SLCO1B1: variants seen among roughly 807,000 people sequenced by gnomAD.
SLCO1B1 encodes the protein solute carrier organic anion transporter family member 1B1.
A neutral mutation model predicts 70.1 loss-of-function variants in SLCO1B1; 81 were observed. That is an observed-to-expected ratio of 1.16 (90% CI 0.97 to 1.39). The LOEUF is 1.39. Ranked by LOEUF, SLCO1B1 falls within the 40% of genes most tolerant of loss-of-function variation. The probability of loss-of-function intolerance (pLI) is 0.00; values close to 1 mark genes in which losing one functional copy is unlikely to be tolerated. For synonymous variants in SLCO1B1, 283 were observed against 271.5 expected, an observed-to-expected ratio of 1.04 and a Z score of -0.42; for missense variants, 895 against 799.6, an observed-to-expected ratio of 1.12 and a Z score of -1.44.
At chr12:21,161,486 A>G (rs772692982) in intron 2 of SLCO1B1, among the ~76,000 whole-genome samples, 13 of 152,156 alleles carry the variant, frequency 8.5e-5, no homozygotes, top group Non-Finnish European at 1.9e-4. Flanking sequence ...AAAAAAGGGA[A>G]TGACAAACAC....
intron 7 of SLCO1B1, among the ~76,000 whole-genome samples, chr12:21,179,613 G>A (rs1430313384): frequency 6.6e-6 from 1 of 152,144 alleles, no homozygotes; most frequent in South Asian, 2.1e-4. Flanking sequence ...AGATGAAAGA[G>A]ATGCCATGTT....
intron 2 of SLCO1B1, among the ~76,000 whole-genome samples, chr12:21,150,727 C>T (rs375498214): frequency 3.9e-5 from 6 of 152,118 alleles, no homozygotes; most frequent in African/African-American, 1.2e-4. Context: ...GATAAATCCA[C>T]GAAGATGAGG....
chr12:21,224,641 A>G, intron 13 of SLCO1B1, 81 bp from the exon 14 acceptor site: 1 of 890,546 alleles, frequency 1.1e-6, no homozygotes, highest in Non-Finnish European at 1.9e-6. Context: ...TTATTTAATC[A>G]AAATATATCA....
At chr12:21,230,323 CTTTT>C (rs745494878) in intron 14 of SLCO1B1, among the ~76,000 whole-genome samples, 2 of 70,256 alleles carry the variant, frequency 2.8e-5, no homozygotes, top group African/African-American at 5.3e-5. Context: ...CTGTAGTATT[CTTTT>C]TTTTTTTTTT....
intron 10 of SLCO1B1, 75 bp downstream of exon 10, chr12:21,202,761 G>A: frequency 1.7e-6 from 2 of 1,170,936 alleles, no homozygotes; most frequent in East Asian, 2.4e-5. Flanking sequence ...AGTAATATAA[G>A]GCAGAAAACA....
At chr12:21,168,204 G>C (rs902791007) in intron 2 of SLCO1B1, among the ~76,000 whole-genome samples, 1 of 130,470 alleles carries the variant, frequency 7.7e-6, no homozygotes, top group African/African-American at 2.5e-5. Context: ...ATGTCCTTGA[G>C]GTTCATCCAT....
chr12:21,185,323 A>G (rs1940951623), intron 7 of SLCO1B1, among the ~76,000 whole-genome samples: 1 of 152,188 alleles, frequency 6.6e-6, no homozygotes, highest in South Asian at 2.1e-4. Context: ...TCTCATCTGC[A>G]TATAGATTGT....
chr12:21,143,531 A>AT (rs1419338243), intron 2 of SLCO1B1, among the ~76,000 whole-genome samples: 6 of 151,936 alleles, frequency 3.9e-5, no homozygotes, highest in African/African-American at 1.5e-4. Context: ...TTGCTAACAG[A>AT]TTTTTTCCTT....
chr12:21,158,913 G>C (rs916139293), intron 2 of SLCO1B1, among the ~76,000 whole-genome samples: 2 of 151,876 alleles, frequency 1.3e-5, no homozygotes, highest in African/African-American at 4.8e-5. Context: ...AGAAAATAAT[G>C]TTCTTCTTTT....
intron 7 of SLCO1B1, among the ~76,000 whole-genome samples, chr12:21,187,566 C>A (rs11045832): frequency 0.12 from 18,515 of 151,856 alleles, 1,483 homozygotes; most frequent in Non-Finnish European, 0.18. Context: ...ACAGATGATA[C>A]TCTAACGAAA....
At chr12:21,135,427 AGTGGG>A (rs1940203633) in intron 1 of SLCO1B1, among the ~76,000 whole-genome samples, 1 of 152,160 alleles carries the variant, frequency 6.6e-6, no homozygotes, top group South Asian at 2.1e-4. Flanking sequence ...TAATGTTGAC[AGTGGG>A]GTGTTAAAGT....
At position 21,163,360 on chromosome 12, in the gene SLCO1B1, T is replaced by C. The variant is rs1940645778; in HGVS notation, c.85-9290T>C. Among the ~76,000 whole-genome samples the C allele has an allele frequency of 2.0e-5, 3 of 152,192 alleles. No individual in the cohort carries two copies. In the South Asian group the frequency reaches 6.2e-4, roughly 32 times the overall value. On this transcript the variant is annotated intron_variant, in intron 2 of 14. Transcript: ENST00000256958. Reference sequence around the variant, plus strand: ...AGGACTACAACGTGTGTACCATCTATGACTTAGTATTGATTGATTGTCATC... The same window carrying C: ...AGGACTACAACGTGTGTACCATCTACGACTTAGTATTGATTGATTGTCATC...
At chr12:21,147,740 C>T (rs768404559) in intron 2 of SLCO1B1, among the ~76,000 whole-genome samples, 2 of 152,178 alleles carry the variant, frequency 1.3e-5, no homozygotes, top group Non-Finnish European at 2.9e-5. Flanking sequence ...CTGCAATAAA[C>T]ATACATGTGC....
At chr12:21,200,362 G>A (rs1430039336) in intron 8 of SLCO1B1, 146 bp from the exon 9 acceptor site, 1 of 478,072 alleles carries the variant, frequency 2.1e-6, no homozygotes. Flanking sequence ...GCTGTGAACA[G>A]CCTGTGGTAT....
chr12:21,238,883 T>TC, intron 14 of SLCO1B1, 96 bp from the exon 15 acceptor site: 1 of 666,516 alleles, frequency 1.5e-6, no homozygotes, highest in Non-Finnish European at 2.6e-6. Flanking sequence ...TTATTTATAA[T>TC]TTTTTTTCTT....
At position 21,138,897 on chromosome 12, in the gene SLCO1B1, G is replaced by A. The variant is rs554075519; in HGVS notation, c.-61-2617G>A. 1.6e-4 allele frequency among the ~76,000 whole-genome samples: 24 copies of A among 152,214 alleles called. 1 individual carries two copies. The highest frequency in any genetic ancestry group is 1.6e-3 in the Admixed American group (24 of 15,278). On this transcript the variant is annotated intron_variant, in intron 1 of 14. Transcript: ENST00000256958. Reference sequence around the variant, plus strand: ...ATTGAGAATGGTTCTAAAAACAGGGGCTTGGTTTAGGTTGTGAAGACCATC... The same window carrying A: ...ATTGAGAATGGTTCTAAAAACAGGGACTTGGTTTAGGTTGTGAAGACCATC...
intron 1 of SLCO1B1, among the ~76,000 whole-genome samples, chr12:21,133,191 T>C (rs1305228038): frequency 1.3e-5 from 2 of 152,146 alleles, no homozygotes; most frequent in African/African-American, 4.8e-5. Context: ...CATTGGTCTA[T>C]ATCTCTGTTT....
intron 1 of SLCO1B1, among the ~76,000 whole-genome samples, chr12:21,136,273 T>C (rs1364206931): frequency 6.6e-6 from 1 of 152,186 alleles, no homozygotes; most frequent in Admixed American, 6.5e-5. Context: ...ATTTTTTCCT[T>C]CATTTCAACT....
Position 21,181,570 on chromosome 12 carries a change from TTAGAG to T in SLCO1B1, c.727+2553_727+2557del, listed in dbSNP as rs1940898290. On this transcript the variant is annotated intron_variant, in intron 7 of 14. Coordinates refer to ENST00000256958, the MANE Select transcript of SLCO1B1 (RefSeq NM_006446.5). ...TTATATTAGTGAGTTTTCTTATAGA[TTAGAG>T]TAATGGCACCATTTAATCGTGCCAC... Among the ~76,000 whole-genome samples, 2 of 152,190 alleles carry T rather than the reference TTAGAG, an allele frequency of 1.3e-5. 1 individual carries two copies. Among genetic ancestry groups the T allele is most frequent in the Non-Finnish European group, 2.9e-5 (2 of 68,012 alleles).
Sources: allele counts gnomAD v4.1 joint callset (sites outside exome capture counted in the v4.1 genomes callset), GRCh38; gene constraint gnomAD v4.1.1; transcripts MANE v1.5; gene names NCBI Gene and HGNC (gene_info 2026-07-23, HGNC 2026-07-21).